TBC1D9: variants seen among roughly 807,000 people sequenced by gnomAD.
The protein encoded by TBC1D9 is TBC1 domain family member 9A.
TBC1D9 carries 63 observed loss-of-function variants against 132.0 expected under a neutral mutation model. The observed-to-expected ratio is 0.48, with a 90% confidence interval of 0.39 to 0.59. TBC1D9 has a LOEUF of 0.59. Among genes scored for constraint, TBC1D9 ranks in the 20% least tolerant of loss-of-function variants. The pLI is 0.00. For synonymous variants in TBC1D9, 610 were observed against 609.9 expected, an observed-to-expected ratio of 1.00 and a Z score of 0.00; for missense variants, 1,261 against 1,592.7, an observed-to-expected ratio of 0.79 and a Z score of 3.54.
At chr4:140,633,532 A>G (rs1354226756) in intron 16 of TBC1D9, among the ~76,000 whole-genome samples, 1 of 152,156 alleles carries the variant, frequency 6.6e-6, no homozygotes, top group African/African-American at 2.4e-5. Flanking sequence ...TATTAAAAAC[A>G]TTTCATAATG....
chr4:140,754,793 C>A (rs1017029779), intron 1 of TBC1D9, among the ~76,000 whole-genome samples: 18 of 152,016 alleles, frequency 1.2e-4, no homozygotes, highest in African/African-American at 4.3e-4. Flanking sequence ...GCAGATTTAT[C>A]TTTTCTGGTA....
chr4:140,642,888 G>T, intron 13 of TBC1D9: 1 of 579,062 alleles, frequency 1.7e-6, no homozygotes, highest in Non-Finnish European at 3.0e-6. Flanking sequence ...GCTTCCATGG[G>T]ACTCCTCGTG....
At chr4:140,678,877 G>C in intron 5 of TBC1D9, 65 bp downstream of exon 5, 1 of 1,556,734 alleles carries the variant, frequency 6.4e-7, no homozygotes. Context: ...AGGTTACACT[G>C]AATAAATGAA....
chr4:140,687,409 G>T, intron 2 of TBC1D9, among the ~76,000 whole-genome samples: 1 of 109,228 alleles, frequency 9.2e-6, no homozygotes, highest in African/African-American at 3.1e-5. Context: ...CATATAGTAT[G>T]CACTGCTCAT....
chr4:140,732,553 T>C (rs1738610661), intron 1 of TBC1D9, among the ~76,000 whole-genome samples: 1 of 152,222 alleles, frequency 6.6e-6, no homozygotes, highest in Non-Finnish European at 1.5e-5. Flanking sequence ...AATAAAACAC[T>C]GCTCAGTTCT....
chr4:140,700,142 A>G (rs1738041813), intron 2 of TBC1D9, among the ~76,000 whole-genome samples: 3 of 151,770 alleles, frequency 2.0e-5, no homozygotes, highest in African/African-American at 7.3e-5. Context: ...ACAAAAAAAG[A>G]AATTATATTA....
rs374301011 is a variant in TBC1D9 at position 140,622,279 on chromosome 4, C to T, written c.3717G>A (p.Arg1239=). ...TCCGGATGTTTTTTGCACTGGTAATCCTGGCCATCATGCACACGGGCTTGT... is the reference window on the plus strand; with the variant it reads ...TCCGGATGTTTTTTGCACTGGTAATTCTGGCCATCATGCACACGGGCTTGT... ...YFDKPVCMMA[R]ITSAKNIRMM... is the part of the protein sequence containing the mutation. The change falls in exon 21 of 21, where the codon AGG becomes AGA. Residue 1239 remains arginine (R), a synonymous_variant. Transcript: ENST00000442267. 5.0e-6 allele frequency: 8 copies of T among 1,612,994 alleles called. No individual in the cohort carries two copies. The highest frequency in any genetic ancestry group is 6.8e-6 in the Non-Finnish European group (8 of 1,179,054).
chr4:140,708,350 T>C (rs1335458941), intron 1 of TBC1D9, among the ~76,000 whole-genome samples: 5 of 152,220 alleles, frequency 3.3e-5, no homozygotes, highest in Non-Finnish European at 5.9e-5. Flanking sequence ...CCTTGGGAAA[T>C]CAATTTCTCC....
chr4:140,689,755 T>C (rs1191959235), intron 2 of TBC1D9, among the ~76,000 whole-genome samples: 3 of 117,910 alleles, frequency 2.5e-5, no homozygotes, highest in East Asian at 2.5e-4. Context: ...TCCCACCCCT[T>C]TTTTTTTTTT....
intron 13 of TBC1D9, among the ~76,000 whole-genome samples, chr4:140,648,574 T>G (rs1374500910): frequency 6.6e-6 from 1 of 151,996 alleles, no homozygotes; most frequent in African/African-American, 2.4e-5. Context: ...TTTGTAGAGA[T>G]GGAGTCTCCC....
intron 1 of TBC1D9, among the ~76,000 whole-genome samples, chr4:140,713,215 G>A (rs1323274479): frequency 6.6e-6 from 1 of 152,066 alleles, no homozygotes; most frequent in Non-Finnish European, 1.5e-5. Flanking sequence ...TGGGATTACA[G>A]GTGTGAGCCG....
At chr4:140,714,236 T>C (rs1738295283) in intron 1 of TBC1D9, among the ~76,000 whole-genome samples, 1 of 152,200 alleles carries the variant, frequency 6.6e-6, no homozygotes, top group African/African-American at 2.4e-5. Flanking sequence ...CTGAGCCAAA[T>C]ATGAGTGTTC....
chr4:140,710,938 TCCTGTGTACAAGCATA>T (rs1343067829), intron 1 of TBC1D9, among the ~76,000 whole-genome samples: 1 of 152,168 alleles, frequency 6.6e-6, no homozygotes, highest in Non-Finnish European at 1.5e-5. Flanking sequence ...AAGTGTAGGT[TCCTGTGTACAAGCATA>T]CCTAGGAAGC....
At chr4:140,633,849 C>A (rs1736834679) in intron 16 of TBC1D9, 99 bp downstream of exon 16, 1 of 1,445,162 alleles carries the variant, frequency 6.9e-7, no homozygotes. Flanking sequence ...AGTTTGCAAA[C>A]CTCCCCTTGT....
chr4:140,687,700 G>A (rs1046969836), intron 2 of TBC1D9, among the ~76,000 whole-genome samples: 2 of 151,974 alleles, frequency 1.3e-5, no homozygotes, highest in South Asian at 4.1e-4. Context: ...CAGATACACT[G>A]AGGAAAGGCA....
At chr4:140,746,070 A>C (rs1267092454) in intron 1 of TBC1D9, among the ~76,000 whole-genome samples, 1 of 152,166 alleles carries the variant, frequency 6.6e-6, no homozygotes, top group African/African-American at 2.4e-5. Flanking sequence ...ATATGGACTT[A>C]ATTAGTCTGC....
At chr4:140,688,614 A>G (rs1270953973) in intron 2 of TBC1D9, among the ~76,000 whole-genome samples, 1 of 152,116 alleles carries the variant, frequency 6.6e-6, no homozygotes, top group Non-Finnish European at 1.5e-5. Flanking sequence ...GGCCGCAGTG[A>G]GCCATGATGG....
At position 140,643,197 on chromosome 4, in the gene TBC1D9, G is replaced by A. The variant is rs941101681; in HGVS notation, c.2338-3769C>T. 9.2e-6 allele frequency: 13 copies of A among 1,408,084 alleles called. No homozygotes were observed. In the East Asian group the frequency reaches 3.0e-4, roughly 32 times the overall value. The allele number at this position is 1,408,084 out of a possible 1,614,324, so 87.2% of individuals were successfully genotyped here. A position where few individuals can be genotyped will look rare whatever the true frequency, so the allele number is the denominator to read the frequency against. ...CAGCAGGCTCTCCAGTGAGGGCCGA[G>A]CCACCAGGGCCCGCTCCGCACCTCC... On this transcript the variant is annotated intron_variant, in intron 13 of 20. Transcript: ENST00000442267.
intron 13 of TBC1D9, among the ~76,000 whole-genome samples, chr4:140,656,726 C>A (rs1476549402): frequency 1.3e-5 from 2 of 152,162 alleles, no homozygotes; most frequent in East Asian, 1.9e-4. Context: ...TTCCTACTAC[C>A]CTCCTGATAC....
Sources: allele counts gnomAD v4.1 joint callset (sites outside exome capture counted in the v4.1 genomes callset), GRCh38; gene constraint gnomAD v4.1.1; transcripts MANE v1.5; gene names NCBI Gene and HGNC (gene_info 2026-07-23, HGNC 2026-07-21).